Variants in GMDS observed in about 807,000 individuals in gnomAD.
The protein encoded by GMDS is GDP-mannose 4,6 dehydratase.
In GMDS, 20 loss-of-function variants were observed where a neutral mutation model predicts 49.9. That is an observed-to-expected ratio of 0.40 (90% CI 0.28 to 0.58). The LOEUF is 0.58. GMDS is among the 20% of genes least tolerant of loss of function. The pLI, the probability that GMDS is intolerant of heterozygous loss-of-function variation, is 0.42. For missense variants in GMDS, 362 were observed against 481.4 expected (o/e 0.75, Z 2.32); for synonymous variants, 177 against 178.6 (o/e 0.99, Z 0.07).
intron 9 of GMDS, among the ~76,000 whole-genome samples, chr6:1,648,894 A>G (rs1763564278): frequency 6.6e-6 from 1 of 152,176 alleles, no homozygotes; most frequent in Non-Finnish European, 1.5e-5. Context: ...GTCTTCCGAG[A>G]GCTCTTATTT....
chr6:2,159,075 C>T (rs999743850), intron 1 of GMDS, among the ~76,000 whole-genome samples: 1 of 152,172 alleles, frequency 6.6e-6, no homozygotes, highest in African/African-American at 2.4e-5. Flanking sequence ...AATTGCGACA[C>T]TTCATGAAAG....
At chr6:2,177,067 G>T (rs1378699789) in intron 1 of GMDS, among the ~76,000 whole-genome samples, 1 of 152,168 alleles carries the variant, frequency 6.6e-6, no homozygotes, top group Non-Finnish European at 1.5e-5. Flanking sequence ...AAAGTCTTTG[G>T]TACCAAGAAC....
rs562672119 is a variant in GMDS at position 1,826,588 on chromosome 6, A to G, written c.772-84002T>C. ...CAATATAGTTATAAACTCCAAATTA[A>G]TGAGGCAAGTTAAAATAGCCTGACT... On this transcript the variant is annotated intron_variant, in intron 7 of 10. Transcript: ENST00000380815. Among the ~76,000 whole-genome samples the G allele has an allele frequency of 2.0e-5, 3 of 152,372 alleles. No homozygotes were observed. In the South Asian group the frequency reaches 6.2e-4, roughly 32 times the overall value.
At chr6:2,138,527 T>C (rs1776120380) in intron 1 of GMDS, among the ~76,000 whole-genome samples, 1 of 152,210 alleles carries the variant, frequency 6.6e-6, no homozygotes, top group East Asian at 1.9e-4. Flanking sequence ...TTTCTGTCCC[T>C]CCAAATCTCA....
rs1010717790 is a variant in GMDS at position 1,960,981 on chromosome 6, C to T, written c.346-15G>A. ...TCAAAGGAAATCTGGAAAAAGCAGG[C>T]GGAGACAGGGCTGCATTAATAGCTT... On this transcript the variant is annotated splice_polypyrimidine_tract_variant and intron_variant, in intron 4 of 10. Coordinates refer to ENST00000380815, the MANE Select transcript of GMDS (RefSeq NM_001500.4). The T allele has an allele frequency of 7.3e-6, 11 of 1,506,966 alleles. No individual in the cohort carries two copies. Among genetic ancestry groups the T allele is most frequent in the South Asian group, 2.6e-5 (2 of 75,878 alleles). The allele number at this position is 1,506,966 out of a possible 1,614,324, so 93.3% of individuals were successfully genotyped here. A position where few individuals can be genotyped will look rare whatever the true frequency, so the allele number is the denominator to read the frequency against.
chr6:2,181,453 T>C (rs2127561819), intron 1 of GMDS, among the ~76,000 whole-genome samples: 1 of 152,288 alleles, frequency 6.6e-6, no homozygotes, highest in East Asian at 1.9e-4. Context: ...CCATATCTTG[T>C]TTTGCTGTGC....
chr6:1,773,438 C>T (rs1768665875), intron 7 of GMDS, among the ~76,000 whole-genome samples: 1 of 152,190 alleles, frequency 6.6e-6, no homozygotes, highest in Admixed American at 6.5e-5. Flanking sequence ...CATGTTGGTG[C>T]TAAATCGTTT....
At chr6:1,828,436 C>T (rs1055639543) in intron 7 of GMDS, among the ~76,000 whole-genome samples, 3 of 152,034 alleles carry the variant, frequency 2.0e-5, no homozygotes, top group Non-Finnish European at 2.9e-5. Context: ...CTCTACAAAT[C>T]CAAGAAGCTC....
At chr6:2,132,681 T>C (rs1263507931) in intron 1 of GMDS, among the ~76,000 whole-genome samples, 1 of 152,138 alleles carries the variant, frequency 6.6e-6, no homozygotes, top group Non-Finnish European at 1.5e-5. Flanking sequence ...CACAGTGCCC[T>C]GGAAAAATAA....
At chr6:2,104,371 T>C (rs770945777) in intron 4 of GMDS, among the ~76,000 whole-genome samples, 1 of 152,234 alleles carries the variant, frequency 6.6e-6, no homozygotes, top group Non-Finnish European at 1.5e-5. Flanking sequence ...TTATTTTATG[T>C]TTAAGTATGA....
At chr6:2,183,871 C>T (rs980758518) in intron 1 of GMDS, among the ~76,000 whole-genome samples, 2 of 152,222 alleles carry the variant, frequency 1.3e-5, no homozygotes, top group Non-Finnish European at 2.9e-5. Context: ...CAGATGATCA[C>T]TGGCATTCTT....
At chr6:2,159,663 C>T (rs905084925) in intron 1 of GMDS, among the ~76,000 whole-genome samples, 5 of 151,528 alleles carry the variant, frequency 3.3e-5, no homozygotes, top group Admixed American at 6.6e-5. Context: ...GGATTGCAGA[C>T]GTATGCCACC....
At chr6:1,754,567 C>G (rs971489095) in intron 7 of GMDS, among the ~76,000 whole-genome samples, 1 of 152,076 alleles carries the variant, frequency 6.6e-6, no homozygotes, top group Non-Finnish European at 1.5e-5. Context: ...CTTGGTGAGA[C>G]ACAACAAAAA....
chr6:2,094,616 A>C (rs1773492508), intron 4 of GMDS, among the ~76,000 whole-genome samples: 3 of 152,206 alleles, frequency 2.0e-5, no homozygotes, highest in African/African-American at 7.2e-5. Context: ...TTTAAAGGAG[A>C]ACTTACCTAA....
intron 9 of GMDS, among the ~76,000 whole-genome samples, chr6:1,721,949 A>G (rs1210777550): frequency 6.6e-6 from 1 of 152,006 alleles, no homozygotes; most frequent in African/African-American, 2.4e-5. Context: ...AATACTCACT[A>G]GAAGCTTCAA....
intron 4 of GMDS, among the ~76,000 whole-genome samples, chr6:1,978,123 G>A (rs993206039): frequency 3.9e-5 from 6 of 152,152 alleles, no homozygotes; most frequent in Non-Finnish European, 8.8e-5. Flanking sequence ...CTGGATTGCT[G>A]GATAACTCAG....
chr6:1,994,956 T>A (rs540960583), intron 4 of GMDS, among the ~76,000 whole-genome samples: 312 of 152,210 alleles, frequency 2.0e-3, no homozygotes, highest in African/African-American at 7.4e-3. Flanking sequence ...AAGGAAAAAC[T>A]AAAGAACTTT....
chr6:1,693,055 C>T (rs1765228762), intron 9 of GMDS, among the ~76,000 whole-genome samples: 2 of 152,188 alleles, frequency 1.3e-5, no homozygotes, highest in African/African-American at 2.4e-5. Context: ...GTACTTTTGG[C>T]TCCTCCTTTC....
At chr6:1,949,000 CT>C in intron 6 of GMDS, 2 of 816,768 alleles carry the variant, frequency 2.4e-6, no homozygotes, top group Non-Finnish European at 3.0e-6. Flanking sequence ...TCACTGTCCT[CT>C]TATGCCAGTA....
Sources: allele counts gnomAD v4.1 joint callset (sites outside exome capture counted in the v4.1 genomes callset), GRCh38; gene constraint gnomAD v4.1.1; transcripts MANE v1.5; gene names NCBI Gene and HGNC (gene_info 2026-07-23, HGNC 2026-07-21).